The following ARID2 variants were observed in gnomAD, a reference collection of about 807,000 sequenced individuals.
ARID2 encodes AT-rich interaction domain 2, also known as AT-rich interactive domain-containing protein 2.
A neutral mutation model predicts 184.6 loss-of-function variants in ARID2; 32 were observed. The ratio of observed to expected loss-of-function variants is 0.17; its 90% CI spans 0.13 to 0.23. ARID2 has a LOEUF of 0.23. ARID2 is among the 10% of genes least tolerant of loss of function. The probability of loss-of-function intolerance (pLI) is 1.00; values close to 1 mark genes in which losing one functional copy is unlikely to be tolerated. For missense variants in ARID2, 1,696 were observed against 2,197.6 expected, an observed-to-expected ratio of 0.77 and a Z score of 4.56; for synonymous variants, 836 against 772.6, an observed-to-expected ratio of 1.08 and a Z score of -1.36.
chr12:45,744,008 C>CT (rs1233518132), intron 3 of ARID2, among the ~76,000 whole-genome samples: 9 of 149,562 alleles, frequency 6.0e-5, no homozygotes, highest in Non-Finnish European at 1.2e-4. Context: ...ATTTTTTTTT[C>CT]TTTTTTTTAG....
chr12:45,891,955 T>G, intron 17 of ARID2, 37 bp downstream of exon 17: 1 of 1,614,112 alleles, frequency 6.2e-7, no homozygotes, highest in South Asian at 1.1e-5. Context: ...AGTAACTCAT[T>G]TGACTGCATT....
chr12:45,749,598 C>T (rs1290146959), intron 3 of ARID2, among the ~76,000 whole-genome samples: 1 of 152,208 alleles, frequency 6.6e-6, no homozygotes, highest in Non-Finnish European at 1.5e-5. Context: ...CAGATGGCAT[C>T]TTCTTCCAAT....
At chr12:45,884,480 A>G (rs754329088) in intron 16 of ARID2, among the ~76,000 whole-genome samples, 1 of 152,344 alleles carries the variant, frequency 6.6e-6, no homozygotes, top group African/African-American at 2.4e-5. Flanking sequence ...AATGTGAACT[A>G]CTGTTTCAGC....
chr12:45,834,073 A>G (rs1030941868), intron 6 of ARID2, among the ~76,000 whole-genome samples: 5 of 152,154 alleles, frequency 3.3e-5, no homozygotes, highest in African/African-American at 9.7e-5. Flanking sequence ...ATACCAGTCA[A>G]TCATTGGAAT....
At chr12:45,739,734 T>A (rs1227842391) in intron 3 of ARID2, among the ~76,000 whole-genome samples, 2 of 152,192 alleles carry the variant, frequency 1.3e-5, no homozygotes, top group Non-Finnish European at 2.9e-5. Flanking sequence ...TGAAATTTTA[T>A]TCTGTCTCTA....
At position 45,851,245 on chromosome 12, in the gene ARID2, A is replaced by C. The variant is rs2138169315; in HGVS notation, c.3122A>C (p.Gln1041Pro). ...QQPQQVQMQVQPQQSNAGVGQ... is the reference protein window; with the variant it reads ...QQPQQVQMQVPPQQSNAGVGQ... ...CCCCAACAAGTACAGATGCAAGTTC[A>C]ACCTCAACAGTCGAATGCAGGAGTT... Residue 1041 changes from glutamine (Q) to proline (P), a missense_variant, in exon 15 of 21, where the codon CAA (glutamine) becomes CCA (proline). Physicochemically the swap from Gln to Pro is moderately conservative, Grantham distance 76. Transcript: ENST00000334344. 2 of 1,614,186 alleles carry C rather than the reference A, an allele frequency of 1.2e-6. No homozygotes were observed. Among genetic ancestry groups the C allele is most frequent in the Non-Finnish European group, 1.7e-6 (2 of 1,180,018 alleles).
At chr12:45,738,614 C>T (rs760006106) in intron 3 of ARID2, among the ~76,000 whole-genome samples, 55 of 151,904 alleles carry the variant, frequency 3.6e-4, no homozygotes, top group Non-Finnish European at 6.2e-4. Flanking sequence ...CCCGGCTGGC[C>T]GGAGATTTTA....
At chr12:45,855,763 C>G (rs963663009) in intron 15 of ARID2, among the ~76,000 whole-genome samples, 8 of 152,176 alleles carry the variant, frequency 5.3e-5, no homozygotes, top group African/African-American at 1.9e-4. Context: ...GTTGACCAGG[C>G]TAGAGTGCAG....
intron 3 of ARID2, among the ~76,000 whole-genome samples, chr12:45,792,184 T>C (rs534121416): frequency 6.6e-5 from 10 of 152,346 alleles, no homozygotes; most frequent in African/African-American, 2.4e-4. Context: ...TTTGGGACTG[T>C]ACATTTCTGT....
At chr12:45,857,756 C>CCTCT (rs150224221) in intron 15 of ARID2, among the ~76,000 whole-genome samples, 1 of 150,278 alleles carries the variant, frequency 6.7e-6, no homozygotes, top group Non-Finnish European at 1.5e-5. Flanking sequence ...TCTCTCTCTC[C>CCTCT]CTCTCTCTCT....
chr12:45,777,603 C>A (rs1169822373), intron 3 of ARID2, among the ~76,000 whole-genome samples: 1 of 151,844 alleles, frequency 6.6e-6, no homozygotes, highest in East Asian at 1.9e-4. Flanking sequence ...GCAGGTTATA[C>A]TACTAAAGTC....
intron 3 of ARID2, among the ~76,000 whole-genome samples, chr12:45,758,408 C>T (rs1035583237): frequency 6.6e-6 from 1 of 151,082 alleles, no homozygotes; most frequent in Non-Finnish European, 1.5e-5. Flanking sequence ...TTTTTAAGCT[C>T]ATCAGCGATT....
rs60685241 is a variant in ARID2 at position 45,820,208 on chromosome 12, A to G, written c.638-1212A>G. On this transcript the variant is annotated intron_variant, in intron 5 of 20. Transcript: ENST00000334344. ...TGTAGTTAATTTGTTTATTCAAAAC[A>G]TTTACATCTGTTCTTTATATTATTT... is the stretch of plus-strand genomic sequence containing the variant. 3.2e-3 allele frequency among the ~76,000 whole-genome samples: 488 copies of G among 152,330 alleles called. 2 individuals carry two copies. In the East Asian group the frequency reaches 0.046, roughly 14 times the overall value.
chr12:45,830,639 T>C (rs1487600962), intron 6 of ARID2, among the ~76,000 whole-genome samples: 1 of 152,208 alleles, frequency 6.6e-6, no homozygotes, highest in Non-Finnish European at 1.5e-5. Flanking sequence ...TATACTTTTT[T>C]TTTTAACTCC....
intron 3 of ARID2, among the ~76,000 whole-genome samples, chr12:45,752,669 T>A (rs563169638): frequency 5.9e-5 from 9 of 152,302 alleles, no homozygotes; most frequent in Admixed American, 5.2e-4. Flanking sequence ...CTCAGACTCA[T>A]ACCACCACAC....
In ARID2 at chr12:45,851,810, A is replaced by G. The variant is rs76884235; in HGVS notation, c.3687A>G (p.Ser1229=). The change falls in exon 15 of 21, where the codon TCA becomes TCG. Residue 1229 remains serine (S), a synonymous_variant. Coordinates refer to ENST00000334344, the MANE Select transcript of ARID2 (RefSeq NM_152641.4). ...AAGCATCTCCTGCTGGACAATCATCATGTACTACTGCTACTCCCCCATTCA... is the reference window on the plus strand; with the variant it reads ...AAGCATCTCCTGCTGGACAATCATCGTGTACTACTGCTACTCCCCCATTCA... ...ATQASPAGQS[S]CTTATPPFKG... 38 of 1,614,124 alleles carry G rather than the reference A, an allele frequency of 2.4e-5. No individual in the cohort carries two copies. The East Asian group carries it at 2.5e-4, about 10-fold the overall frequency.
chr12:45,846,961 G>T (rs754323675), intron 12 of ARID2, 24 bp downstream of exon 12: 3 of 1,604,178 alleles, frequency 1.9e-6, no homozygotes, highest in Non-Finnish European at 1.7e-6. Flanking sequence ...TTCTATTAAG[G>T]ATTTATCCTT....
chr12:45,753,187 C>T (rs960656658), intron 3 of ARID2, among the ~76,000 whole-genome samples: 10 of 151,996 alleles, frequency 6.6e-5, no homozygotes, highest in African/African-American at 2.4e-4. Flanking sequence ...CATTTGAACC[C>T]AGAGGCAGAG....
intron 3 of ARID2, among the ~76,000 whole-genome samples, chr12:45,783,939 A>G (rs145296884): frequency 6.6e-6 from 1 of 152,364 alleles, no homozygotes; most frequent in East Asian, 1.9e-4. Flanking sequence ...ACCTAATGAG[A>G]GACTTCTATA....
Sources: gnomAD v4.1 joint callset for allele counts (sites outside exome capture counted in the v4.1 genomes callset) on GRCh38, gnomAD v4.1.1 for gene constraint, MANE v1.5 for transcripts, NCBI Gene and HGNC (gene_info 2026-07-23, HGNC 2026-07-21) for gene names.